DCT: variants seen among roughly 807,000 people sequenced by gnomAD.
The protein encoded by DCT is L-dopachrome tautomerase.
DCT carries 47 observed loss-of-function variants against 53.0 expected under a neutral mutation model. The ratio of observed to expected loss-of-function variants is 0.89; its 90% confidence interval spans 0.70 to 1.13. DCT has a LOEUF of 1.13. DCT is among the 50% of genes most tolerant of loss of function. The pLI is 0.00. For synonymous variants in DCT, 244 were observed against 237.0 expected (o/e 1.03, Z -0.27); for missense variants, 669 against 637.4 (o/e 1.05, Z -0.53).
At chr13:94,464,452 A>G (rs527910134) in intron 4 of DCT, among the ~76,000 whole-genome samples, 2 of 152,160 alleles carry the variant, frequency 1.3e-5, no homozygotes, top group South Asian at 4.2e-4. Context: ...CCATCCTGGC[A>G]AACATGGTGA....
At chr13:94,542,162 T>C in the DCT span, among the ~76,000 whole-genome samples, 1 of 152,190 alleles carries the variant, frequency 6.6e-6, no homozygotes, top group Admixed American at 6.5e-5. Context: ...CATTAACATG[T>C]CTCAACCCTT....
At chr13:94,468,178 C>T (rs1884355077) in intron 2 of DCT, 1 of 152,716 alleles carries the variant, frequency 6.5e-6, no homozygotes. Context: ...CTCCAAGAAA[C>T]CTGGGGATTC....
chr13:94,472,826 C>T (rs1884835173), intron 1 of DCT, among the ~76,000 whole-genome samples: 1 of 151,814 alleles, frequency 6.6e-6, no homozygotes, highest in Admixed American at 6.6e-5. Context: ...GGGTGATCCA[C>T]CTGCCTTGGC....
chr13:94,464,903 C>T (rs966050233), intron 4 of DCT, among the ~76,000 whole-genome samples: 3 of 152,158 alleles, frequency 2.0e-5, no homozygotes, highest in Non-Finnish European at 4.4e-5. Context: ...CTCCTCAACT[C>T]ACCAGCATCC....
chr13:94,494,562 AATT>A, the DCT span, among the ~76,000 whole-genome samples: 1 of 152,122 alleles, frequency 6.6e-6, no homozygotes, highest in South Asian at 2.1e-4. Flanking sequence ...AAATGTGTGG[AATT>A]TTGTTTAACC....
At chr13:94,533,013 C>T in the DCT span, among the ~76,000 whole-genome samples, 2 of 151,902 alleles carry the variant, frequency 1.3e-5, no homozygotes, top group Non-Finnish European at 2.9e-5. Context: ...TCTTTTTGTC[C>T]AAAGGATGCT....
the DCT span, among the ~76,000 whole-genome samples, chr13:94,526,878 C>T: frequency 6.6e-5 from 10 of 152,036 alleles, no homozygotes; most frequent in South Asian, 2.1e-4. Context: ...CAAGGGAAGC[C>T]GTGACAGACT....
the DCT span, among the ~76,000 whole-genome samples, chr13:94,489,587 GC>G: frequency 6.6e-6 from 1 of 152,034 alleles, no homozygotes; most frequent in Non-Finnish European, 1.5e-5. Context: ...TTCTACACTG[GC>G]AAACCACTGG....
At chr13:94,514,887 G>A in the DCT span, among the ~76,000 whole-genome samples, 14 of 152,242 alleles carry the variant, frequency 9.2e-5, no homozygotes, top group Admixed American at 4.6e-4. Flanking sequence ...AGGTTTGTTC[G>A]GACTGAATGT....
At chr13:94,447,682 T>C (rs1171506784) in intron 6 of DCT, among the ~76,000 whole-genome samples, 1 of 152,202 alleles carries the variant, frequency 6.6e-6, no homozygotes, top group East Asian at 1.9e-4. Flanking sequence ...TCATGAACTT[T>C]TAGATACTGT....
the DCT span, among the ~76,000 whole-genome samples, chr13:94,516,055 C>T: frequency 1.4e-5 from 2 of 146,122 alleles, no homozygotes; most frequent in Admixed American, 1.4e-4. Flanking sequence ...CCCCACCCAC[C>T]GTCTAACTTT....
the DCT span, among the ~76,000 whole-genome samples, chr13:94,520,430 T>C: frequency 6.6e-6 from 1 of 152,318 alleles, no homozygotes; most frequent in African/African-American, 2.4e-5. Context: ...AATTAATCTA[T>C]TCTGGTGGCG....
intron 1 of DCT, among the ~76,000 whole-genome samples, chr13:94,472,082 C>T (rs1276785632): frequency 6.6e-6 from 1 of 152,078 alleles, no homozygotes; most frequent in East Asian, 1.9e-4. Context: ...CATTTAAAGG[C>T]ATAACACTTG....
At chr13:94,470,583 C>T (rs945550291) in intron 1 of DCT, among the ~76,000 whole-genome samples, 4 of 152,150 alleles carry the variant, frequency 2.6e-5, no homozygotes, top group East Asian at 1.9e-4. Context: ...AAAGGGATTA[C>T]GTAAAGCATT....
At chr13:94,451,366 C>G (rs779991056) in intron 6 of DCT, among the ~76,000 whole-genome samples, 3 of 152,124 alleles carry the variant, frequency 2.0e-5, no homozygotes, top group Non-Finnish European at 4.4e-5. Context: ...ACTTAATTTC[C>G]TCAGCTATAG....
At chr13:94,479,910 T>C (rs765747138), upstream of DCT, among the ~76,000 whole-genome samples, 2 of 152,180 alleles carry the variant, frequency 1.3e-5, no homozygotes, top group African/African-American at 2.4e-5. Flanking sequence ...CCAGCCAAAC[T>C]TGTGACCTCA....
chr13:94,484,359 T>C (rs1478997047), upstream of DCT, among the ~76,000 whole-genome samples: 1 of 152,256 alleles, frequency 6.6e-6, no homozygotes, highest in Non-Finnish European at 1.5e-5. Flanking sequence ...TTATTTTTAC[T>C]GCATTTGAAA....
At chr13:94,488,135 C>A in the DCT span, among the ~76,000 whole-genome samples, 3 of 151,990 alleles carry the variant, frequency 2.0e-5, no homozygotes, top group Non-Finnish European at 2.9e-5. Flanking sequence ...ATGCTTCATT[C>A]TGGTACATGA....
chr13:94,461,676 G>A (rs1221567519), intron 5 of DCT, among the ~76,000 whole-genome samples: 3 of 152,056 alleles, frequency 2.0e-5, no homozygotes, highest in African/African-American at 7.2e-5. Flanking sequence ...AAATAAGAAA[G>A]GAAAGAGAAA....
Sources: allele counts gnomAD v4.1 joint callset (sites outside exome capture counted in the v4.1 genomes callset), GRCh38; gene constraint gnomAD v4.1.1; transcripts MANE v1.5; gene names NCBI Gene and HGNC (gene_info 2026-07-23, HGNC 2026-07-21).